The following ADD2 variants were observed in gnomAD, a reference collection of about 807,000 sequenced individuals.
ADD2 encodes adducin 2.
In ADD2, 23 loss-of-function variants were observed where a neutral mutation model predicts 83.0. That is an observed-to-expected ratio of 0.28 (90% CI 0.20 to 0.39). ADD2 has a LOEUF of 0.39. ADD2 is among the 10% of genes least tolerant of loss of function. ADD2 has a pLI of 1.00. For synonymous variants in ADD2, 375 were observed against 375.4 expected (o/e 1.00, Z 0.01); for missense variants, 758 against 944.9 (o/e 0.80, Z 2.59).
At chr2:70,696,491 G>A (rs1436664853) in intron 4 of ADD2, 95 bp from the exon 5 acceptor site, 2 of 1,513,304 alleles carry the variant, frequency 1.3e-6, no homozygotes, top group African/African-American at 2.8e-5. Flanking sequence ...CACTAAAACT[G>A]CACAGGAGAC....
At position 70,761,296 on chromosome 2, in the gene ADD2, G is replaced by C. The variant is rs190452354; in HGVS notation, c.-154+6590C>G. Reference sequence around the variant, plus strand: ...AATGTTTTTAAGGCAAAAAGTTAGTGGGGGTAGATGGGCAACAAAAAAGAA... The same window carrying C: ...AATGTTTTTAAGGCAAAAAGTTAGTCGGGGTAGATGGGCAACAAAAAAGAA... On this transcript the variant is annotated intron_variant, in intron 1 of 15. Coordinates refer to ENST00000264436, the MANE Select transcript of ADD2 (RefSeq NM_001617.4). Among the ~76,000 whole-genome samples the C allele has an allele frequency of 7.6e-4, 115 of 151,688 alleles. 1 individual carries two copies. The highest frequency in any genetic ancestry group is 3.4e-3 in the Middle Eastern group (1 of 294).
chr2:70,661,435 G>A lies in ADD2; in HGVS notation c.*1990C>T, dbSNP rs1675534003. 1 of 152,162 alleles carries A rather than the reference G, an allele frequency of 6.6e-6. No individual in the cohort carries two copies. The highest frequency in any genetic ancestry group is 1.5e-5 in the Non-Finnish European group (1 of 68,026). 9.4% of individuals were successfully genotyped at this position (152,162 alleles called of 1,614,324 possible). ...ACAGATTTTTCTGAGGCATGAGTGGGTTGTCCCTCCTAAAATTTGACCCAA... is the reference window on the plus strand; with the variant it reads ...ACAGATTTTTCTGAGGCATGAGTGGATTGTCCCTCCTAAAATTTGACCCAA... On this transcript the variant is annotated 3_prime_UTR_variant, in exon 16 of 16. Coordinates refer to ENST00000264436, the MANE Select transcript of ADD2 (RefSeq NM_001617.4).
Position 70,767,872 on chromosome 2 carries a change from C to A in ADD2, c.-154+14G>T. 3.3e-6 allele frequency: 5 copies of A among 1,535,894 alleles called. No individual in the cohort carries two copies. The highest frequency in any genetic ancestry group is 4.4e-6 in the Non-Finnish European group (5 of 1,146,770). On this transcript the variant is annotated intron_variant, in intron 1 of 15. Transcript: ENST00000264436. ...CCCCAGGCAGCCCACCAGGCCCGCT[C>A]CCCAGACCCTTACCTCCTGCGCGGC...
chr2:70,760,054 G>C (rs1675001423), intron 1 of ADD2, among the ~76,000 whole-genome samples: 1 of 152,184 alleles, frequency 6.6e-6, no homozygotes, highest in African/African-American at 2.4e-5. Context: ...GGCACCATCT[G>C]TACTCTAACT....
chr2:70,669,170 C>T (rs957112132), intron 15 of ADD2, among the ~76,000 whole-genome samples: 1 of 152,300 alleles, frequency 6.6e-6, no homozygotes, highest in East Asian at 1.9e-4. Context: ...CTGCCCATGG[C>T]CGACCATTGA....
At chr2:70,692,667 C>T (rs1362656410) in intron 6 of ADD2, 115 bp from the exon 7 acceptor site, 1 of 1,163,364 alleles carries the variant, frequency 8.6e-7, no homozygotes, top group Non-Finnish European at 1.2e-6. Context: ...ATTCCAGACA[C>T]CATGAGCAAT....
intron 15 of ADD2, 133 bp from the exon 16 acceptor site, chr2:70,663,868 A>T: frequency 2.1e-6 from 2 of 946,060 alleles, no homozygotes; most frequent in Non-Finnish European, 3.1e-6. Flanking sequence ...CCTGATGTTG[A>T]GGGATGGCTA....
chr2:70,765,969 C>T (rs531267918), intron 1 of ADD2, among the ~76,000 whole-genome samples: 2 of 152,148 alleles, frequency 1.3e-5, no homozygotes, highest in Non-Finnish European at 2.9e-5. Context: ...AATCTTAACA[C>T]TAAACCCACT....
intron 9 of ADD2, 48 bp downstream of exon 9, chr2:70,687,976 C>T (rs931744494): frequency 1.2e-5 from 18 of 1,478,464 alleles, no homozygotes; most frequent in Non-Finnish European, 1.7e-5. Flanking sequence ...CCCACAGGCC[C>T]CTGTCAGAGC....
At chr2:70,711,430 C>T (rs1315686208) in intron 2 of ADD2, among the ~76,000 whole-genome samples, 2 of 152,232 alleles carry the variant, frequency 1.3e-5, no homozygotes, top group African/African-American at 4.8e-5. Flanking sequence ...GCTCCACCCC[C>T]CACCAATCCC....
At chr2:70,704,216 A>T (rs577270436) in intron 4 of ADD2, 105 bp downstream of exon 4, 53 of 1,424,382 alleles carry the variant, frequency 3.7e-5, no homozygotes, top group Non-Finnish European at 5.0e-5. Flanking sequence ...TGGGCTGCTT[A>T]CTCCATAGCC....
intron 8 of ADD2, among the ~76,000 whole-genome samples, chr2:70,690,243 C>T (rs539709282): frequency 2.0e-4 from 30 of 152,228 alleles, no homozygotes; most frequent in South Asian, 8.3e-4. Context: ...ACCACAGGTG[C>T]ATACCACCAA....
At chr2:70,671,360 A>C (rs1475519582) in intron 15 of ADD2, among the ~76,000 whole-genome samples, 5 of 152,098 alleles carry the variant, frequency 3.3e-5, no homozygotes, top group Admixed American at 2.0e-4. Flanking sequence ...ATGTGTGTAT[A>C]TCCACATCTC....
At chr2:70,673,233 A>T (rs782635906) in intron 14 of ADD2, 4 of 1,613,864 alleles carry the variant, frequency 2.5e-6, no homozygotes, top group Non-Finnish European at 3.4e-6. Context: ...TCATCAAAAC[A>T]CACCTACCAA....
In ADD2 at chr2:70,675,131, C is replaced by G. The variant is rs554580549; in HGVS notation, c.1594-306G>C. 3 of 1,070,300 alleles carry G rather than the reference C, an allele frequency of 2.8e-6. No individual in the cohort carries two copies. The African/African-American group carries it at 4.9e-5, about 18-fold the overall frequency. The allele number at this position is 1,070,300 out of a possible 1,614,324, so 66.3% of individuals were successfully genotyped here. Reference sequence around the variant, plus strand: ...CCTTTATTGCAATCCCTTCTATGGACACTTCCAAGCCATCACTATGCAAAT... The same window carrying G: ...CCTTTATTGCAATCCCTTCTATGGAGACTTCCAAGCCATCACTATGCAAAT... On this transcript the variant is annotated intron_variant, in intron 13 of 15. Transcript: ENST00000264436.
intron 1 of ADD2, among the ~76,000 whole-genome samples, chr2:70,752,654 A>C (rs1444291109): frequency 2.6e-5 from 4 of 152,232 alleles, no homozygotes; most frequent in Non-Finnish European, 5.9e-5. Context: ...ATGATGACAC[A>C]AGGAAAATGC....
chr2:70,691,397 A>G (rs1553371636), intron 7 of ADD2, among the ~76,000 whole-genome samples: 1 of 152,114 alleles, frequency 6.6e-6, no homozygotes, highest in Non-Finnish European at 1.5e-5. Flanking sequence ...TAACAAACAG[A>G]GAGGCCCATT....
chr2:70,727,056 A>T (rs1047208231), intron 1 of ADD2, among the ~76,000 whole-genome samples: 1 of 152,196 alleles, frequency 6.6e-6, no homozygotes, highest in African/African-American at 2.4e-5. Flanking sequence ...TCAGGCTTTG[A>T]TCGATCAGTA....
chr2:70,676,839 G>A lies in ADD2; in HGVS notation c.1550C>T (p.Ser517Phe). 6.2e-7 allele frequency: 1 copy of A among 1,614,192 alleles called. No individual in the cohort carries two copies. Among genetic ancestry groups the A allele is most frequent in the Non-Finnish European group, 8.5e-7 (1 of 1,180,014 alleles). ...RQDVKSAGPQ[S>F]QLLASVIAEK... is the part of the protein sequence containing the mutation. ...GGCAATGACGCTCGCCAGGAGCTGG[G>A]ACTGAGGCCCCGCTGACTTCACATC... Residue 517 changes from serine (S) to phenylalanine (F), a missense_variant, in exon 13 of 16, where the codon TCC becomes TTC. By Grantham distance (155) the Ser-to-Phe change is radical. This residue lies in a region of ADD2 where 394 missense variants were observed against 509.3 expected (regional missense o/e 0.77). Coordinates refer to ENST00000264436, the MANE Select transcript of ADD2 (RefSeq NM_001617.4). The surrounding 1 kb of genome is among the most constrained non-coding windows in gnomAD (Gnocchi z 4.8).
Sources: gnomAD v4.1 joint callset for allele counts (sites outside exome capture counted in the v4.1 genomes callset) on GRCh38, gnomAD v4.1.1 for gene constraint, gnomAD v4.1.1 regional missense constraint, Gnocchi (gnomAD v3.1) non-coding constraint, MANE v1.5 for transcripts, NCBI Gene and HGNC (gene_info 2026-07-23, HGNC 2026-07-21) for gene names.